Variants in GHR observed in about 807,000 individuals in gnomAD.
GHR encodes the protein GH receptor.
GHR carries 35 observed loss-of-function variants against 67.1 expected under a neutral mutation model. The ratio of observed to expected loss-of-function variants is 0.52; its 90% CI spans 0.40 to 0.69. The LOEUF is 0.69. GHR is among the 30% of genes least tolerant of loss of function. The probability of loss-of-function intolerance (pLI) is 0.00; values close to 1 mark genes in which losing one functional copy is unlikely to be tolerated. For synonymous variants in GHR, 272 were observed against 269.1 expected (o/e 1.01, Z -0.10); for missense variants, 792 against 764.6 (o/e 1.04, Z -0.42).
chr5:42,486,039 C>A (rs140870799), intron 1 of GHR, among the ~76,000 whole-genome samples: 1 of 152,122 alleles, frequency 6.6e-6, no homozygotes, highest in African/African-American at 2.4e-5. Context: ...CATAGTTTCC[C>A]GGGACTTTTC....
At chr5:42,510,989 C>T (rs1359504598) in intron 1 of GHR, among the ~76,000 whole-genome samples, 2 of 152,210 alleles carry the variant, frequency 1.3e-5, no homozygotes, top group Admixed American at 1.3e-4. Flanking sequence ...CTCCTCTTGC[C>T]TAAGAAAAAT....
chr5:42,518,185 A>C (rs1344468324), intron 1 of GHR, among the ~76,000 whole-genome samples: 2 of 148,170 alleles, frequency 1.3e-5, no homozygotes, highest in African/African-American at 4.9e-5. Context: ...ATAATGATTA[A>C]TGATAGTATT....
intron 3 of GHR, among the ~76,000 whole-genome samples, chr5:42,648,237 A>G (rs1754842826): frequency 6.6e-6 from 1 of 152,156 alleles, no homozygotes; most frequent in African/African-American, 2.4e-5. Context: ...GTTTCTTACA[A>G]GTGTTCTAGG....
At chr5:42,529,172 C>T (rs374001948) in intron 1 of GHR, among the ~76,000 whole-genome samples, 1 of 152,046 alleles carries the variant, frequency 6.6e-6, no homozygotes, top group African/African-American at 2.4e-5. Flanking sequence ...CCACAATGCC[C>T]AGCTAATTTT....
chr5:42,692,038 C>T (rs1194828929), intron 4 of GHR, among the ~76,000 whole-genome samples: 1 of 152,280 alleles, frequency 6.6e-6, no homozygotes, highest in Middle Eastern at 3.4e-3. Context: ...CTTCCATACC[C>T]ATTCAACCCC....
In GHR at chr5:42,424,664, C is replaced by G. The variant is rs986481893; in HGVS notation, c.-12+709C>G. 6.3e-6 allele frequency: 9 copies of G among 1,427,486 alleles called. No individual in the cohort carries two copies. The African/African-American group carries it at 8.5e-5, about 13-fold the overall frequency. The allele number at this position is 1,427,486 out of a possible 1,614,324, so 88.4% of individuals were successfully genotyped here. ...GACACACTAGTGGTTGTAAAATCAACCAGGCTTAAAGTTTTGACAGAACTG... is the reference window on the plus strand; with the variant it reads ...GACACACTAGTGGTTGTAAAATCAAGCAGGCTTAAAGTTTTGACAGAACTG... On this transcript the variant is annotated intron_variant, in intron 1 of 9. Coordinates refer to ENST00000230882, the MANE Select transcript of GHR (RefSeq NM_000163.5). The surrounding 1 kb of genome is among the most constrained non-coding windows in gnomAD (Gnocchi z 4.1).
intron 1 of GHR, among the ~76,000 whole-genome samples, chr5:42,469,118 G>C (rs1744883151): frequency 6.6e-6 from 1 of 152,200 alleles, no homozygotes; most frequent in African/African-American, 2.4e-5. Flanking sequence ...TCTTGTTCTG[G>C]GAAAGAGAGA....
At chr5:42,624,155 T>C (rs1387506791) in intron 2 of GHR, among the ~76,000 whole-genome samples, 1 of 152,224 alleles carries the variant, frequency 6.6e-6, no homozygotes, top group Non-Finnish European at 1.5e-5. Context: ...TTTTGCTTTG[T>C]GAAAATGTCA....
chr5:42,497,416 G>A (rs1011510584), intron 1 of GHR, among the ~76,000 whole-genome samples: 1 of 152,124 alleles, frequency 6.6e-6, no homozygotes, highest in Non-Finnish European at 1.5e-5. Flanking sequence ...CTCTCTGGCT[G>A]TTTCATGGCA....
intron 4 of GHR, among the ~76,000 whole-genome samples, chr5:42,691,333 T>A (rs1378313028): frequency 6.6e-6 from 1 of 152,214 alleles, no homozygotes; most frequent in East Asian, 1.9e-4. Flanking sequence ...ATATAACTAT[T>A]TTGAATATCT....
At chr5:42,587,019 C>T (rs1178669645) in intron 2 of GHR, among the ~76,000 whole-genome samples, 11 of 146,962 alleles carry the variant, frequency 7.5e-5, no homozygotes, top group South Asian at 2.1e-4. Context: ...AAGTAATACA[C>T]ACTGAAAAAA....
intron 5 of GHR, among the ~76,000 whole-genome samples, chr5:42,699,320 G>A (rs192163779): frequency 1.5e-5 from 1 of 66,928 alleles, no homozygotes; most frequent in Admixed American, 1.7e-4. Context: ...ATATGGATTA[G>A]TGAGGCAAAG....
rs1160600475 is a variant in GHR, at chr5:42,424,224, A to T, written c.-12+269A>T. ...TGTGTGTGTGTGTGTGTGTGTCTGG[A>T]AGTTGGTGAGGGCGGCAGGGAGTTG... is the stretch of plus-strand genomic sequence containing the variant. On this transcript the variant is annotated intron_variant, in intron 1 of 9. Coordinates refer to ENST00000230882, the MANE Select transcript of GHR (RefSeq NM_000163.5). This position sits in a 1 kb window ranked among gnomAD's most constrained non-coding sequence, Gnocchi z 4.1. 3.3e-5 allele frequency among the ~76,000 whole-genome samples: 2 copies of T among 59,900 alleles called. No homozygotes were observed. Among genetic ancestry groups the T allele is most frequent in the Admixed American group, 3.1e-4 (2 of 6,476 alleles). The allele number at this position is 59,900 out of a possible 152,430, so 39.3% of individuals were successfully genotyped here.
chr5:42,492,260 T>C (rs1200435667), intron 1 of GHR, among the ~76,000 whole-genome samples: 1 of 152,166 alleles, frequency 6.6e-6, no homozygotes, highest in Admixed American at 6.5e-5. Flanking sequence ...ATATAGTGGA[T>C]AATATTGGGA....
chr5:42,670,102 C>T (rs920399308), intron 3 of GHR, among the ~76,000 whole-genome samples: 2 of 152,166 alleles, frequency 1.3e-5, no homozygotes, highest in Non-Finnish European at 2.9e-5. Flanking sequence ...GGAAGCATCA[C>T]ATTATCAGAT....
intron 1 of GHR, among the ~76,000 whole-genome samples, chr5:42,559,523 G>T (rs912235394): frequency 4.6e-5 from 7 of 152,136 alleles, no homozygotes; most frequent in Non-Finnish European, 8.8e-5. Flanking sequence ...TCCCAACCTG[G>T]GTGGCAGAGT....
intron 1 of GHR, among the ~76,000 whole-genome samples, chr5:42,478,806 G>C (rs1466063845): frequency 1.3e-5 from 2 of 152,124 alleles, no homozygotes; most frequent in African/African-American, 2.4e-5. Flanking sequence ...GGGTTTTCTA[G>C]ATATATAATC....
At chr5:42,526,181 T>A (rs1314792886) in intron 1 of GHR, among the ~76,000 whole-genome samples, 2 of 151,800 alleles carry the variant, frequency 1.3e-5, no homozygotes, top group African/African-American at 4.8e-5. Context: ...AATACATAAG[T>A]TATTAAAAAA....
chr5:42,453,716 C>A (rs1226936015), intron 1 of GHR, among the ~76,000 whole-genome samples: 1 of 152,182 alleles, frequency 6.6e-6, no homozygotes, highest in Non-Finnish European at 1.5e-5. Flanking sequence ...GCGATACTCA[C>A]CCTGGAGTGT....
Sources: allele counts gnomAD v4.1 joint callset (sites outside exome capture counted in the v4.1 genomes callset), GRCh38; gene constraint gnomAD v4.1.1; non-coding constraint Gnocchi (gnomAD v3.1); transcripts MANE v1.5; gene names NCBI Gene and HGNC (gene_info 2026-07-23, HGNC 2026-07-21).